SERGEF: variants seen among roughly 807,000 people sequenced by gnomAD.
SERGEF encodes secretion regulating guanine nucleotide exchange factor.
A neutral mutation model predicts 50.0 loss-of-function variants in SERGEF; 51 were observed. That is an observed-to-expected ratio of 1.02 (90% CI 0.81 to 1.29). SERGEF has a LOEUF of 1.29. Among genes scored for constraint, SERGEF ranks in the 50% most tolerant of loss-of-function variants. SERGEF has a pLI of 0.00. For missense variants in SERGEF, 521 were observed against 557.0 expected (o/e 0.94, Z 0.65); for synonymous variants, 205 against 212.4 (o/e 0.97, Z 0.30).
rs928659061 is a variant in SERGEF, at chr11:17,966,817, A to G, written c.845-7181T>C. On this transcript the variant is annotated intron_variant, in intron 8 of 10. Transcript: ENST00000265965. ...AAAAAGGGGAGAAAAAAGCCCGCAAAGAGAATGAACAAAAGTTGAAAGGTT... is the reference window on the plus strand; with the variant it reads ...AAAAAGGGGAGAAAAAAGCCCGCAAGGAGAATGAACAAAAGTTGAAAGGTT... Among the ~76,000 whole-genome samples the G allele has an allele frequency of 3.9e-5, 6 of 152,344 alleles. 1 individual carries two copies. The East Asian group carries it at 1.2e-3, about 29-fold the overall frequency.
At chr11:17,885,228 G>A (rs1851407172) in intron 9 of SERGEF, among the ~76,000 whole-genome samples, 1 of 152,132 alleles carries the variant, frequency 6.6e-6, no homozygotes, top group Non-Finnish European at 1.5e-5. Context: ...CTTATTTCCA[G>A]CTGCTATCAT....
intron 10 of SERGEF, chr11:17,856,434 G>A (rs948564070): frequency 2.6e-5 from 4 of 152,130 alleles, no homozygotes; most frequent in Non-Finnish European, 5.9e-5. Context: ...AAAGTGAAAT[G>A]GTCCCCTTCT....
At chr11:18,002,795 T>A (rs547914504) in intron 4 of SERGEF, among the ~76,000 whole-genome samples, 8 of 152,210 alleles carry the variant, frequency 5.3e-5, no homozygotes, top group Admixed American at 3.9e-4. Context: ...CTAAACATAG[T>A]ACCTACACAT....
At chr11:17,844,362 A>G (rs1850561457) in intron 10 of SERGEF, among the ~76,000 whole-genome samples, 1 of 152,228 alleles carries the variant, frequency 6.6e-6, no homozygotes, top group East Asian at 1.9e-4. Context: ...AGCTTGGAAA[A>G]TAACAAATCA....
intron 10 of SERGEF, among the ~76,000 whole-genome samples, chr11:17,829,104 C>G (rs890875723): frequency 6.6e-6 from 1 of 152,162 alleles, no homozygotes; most frequent in Non-Finnish European, 1.5e-5. Flanking sequence ...CACAAAGAAA[C>G]CTAGTAGGAC....
intron 10 of SERGEF, among the ~76,000 whole-genome samples, chr11:17,851,659 G>A (rs1017557060): frequency 1.3e-5 from 2 of 152,216 alleles, no homozygotes; most frequent in African/African-American, 4.8e-5. Flanking sequence ...AAATTTCTCC[G>A]AAGTTTTAAA....
chr11:17,981,835 C>G (rs1853501430), intron 8 of SERGEF, among the ~76,000 whole-genome samples: 1 of 152,110 alleles, frequency 6.6e-6, no homozygotes, highest in Non-Finnish European at 1.5e-5. Flanking sequence ...GGGCCTCACT[C>G]TGTCACCCAG....
At chr11:17,913,639 A>C (rs1483412462) in intron 9 of SERGEF, among the ~76,000 whole-genome samples, 1 of 152,174 alleles carries the variant, frequency 6.6e-6, no homozygotes, top group Non-Finnish European at 1.5e-5. Context: ...GCTTAGCTGC[A>C]CTATCTACTC....
intron 10 of SERGEF, among the ~76,000 whole-genome samples, chr11:17,801,072 G>A (rs1012684970): frequency 6.6e-6 from 1 of 151,984 alleles, no homozygotes; most frequent in Non-Finnish European, 1.5e-5. Flanking sequence ...GTGGGCGCCT[G>A]TAGTCCCAGC....
rs1188085439 is a variant in SERGEF at position 17,997,317 on chromosome 11, A to G, written c.509-1408T>C. Among the ~76,000 whole-genome samples, 3 of 152,362 alleles carry G rather than the reference A, an allele frequency of 2.0e-5. No individual in the cohort carries two copies. The East Asian group carries it at 5.8e-4, about 29-fold the overall frequency. On this transcript the variant is annotated intron_variant, in intron 5 of 10. Transcript: ENST00000265965. Reference sequence around the variant, plus strand: ...TGCTAACATTGCTAACCATCAGGGAAATGAAAACAGATATCACCTCATACA... The same window carrying G: ...TGCTAACATTGCTAACCATCAGGGAGATGAAAACAGATATCACCTCATACA...
At chr11:17,899,238 C>T (rs1329865556) in intron 9 of SERGEF, among the ~76,000 whole-genome samples, 1 of 152,144 alleles carries the variant, frequency 6.6e-6, no homozygotes, top group African/African-American at 2.4e-5. Context: ...ACTTTAAAAT[C>T]ACTGTATATT....
chr11:17,844,922 C>CAAA (rs150086214), intron 10 of SERGEF, among the ~76,000 whole-genome samples: 2 of 147,270 alleles, frequency 1.4e-5, no homozygotes, highest in African/African-American at 5.1e-5. Context: ...ACAAAACAAA[C>CAAA]AAACAAAAAA....
intron 9 of SERGEF, 150 bp downstream of exon 9, chr11:17,959,320 T>C: frequency 1.5e-6 from 1 of 664,858 alleles, no homozygotes; most frequent in East Asian, 2.8e-5. Flanking sequence ...TTTGACCACA[T>C]TAAAGCATGA....
At chr11:17,887,426 C>G (rs187356079) in intron 9 of SERGEF, among the ~76,000 whole-genome samples, 2 of 152,214 alleles carry the variant, frequency 1.3e-5, no homozygotes, top group Admixed American at 1.3e-4. Context: ...AAAATGGAAC[C>G]ATGTGAGTTG....
chr11:17,872,697 G>C (rs1851163532), intron 10 of SERGEF, among the ~76,000 whole-genome samples: 1 of 152,154 alleles, frequency 6.6e-6, no homozygotes, highest in Non-Finnish European at 1.5e-5. Context: ...ATTCACTATA[G>C]CGTTGCTTAT....
intron 9 of SERGEF, among the ~76,000 whole-genome samples, chr11:17,935,427 C>T (rs1852432327): frequency 6.6e-6 from 1 of 152,008 alleles, no homozygotes; most frequent in African/African-American, 2.4e-5. Flanking sequence ...TGTGATAGCA[C>T]CACTGTATTC....
At chr11:17,811,072 G>C (rs1289692371) in intron 10 of SERGEF, among the ~76,000 whole-genome samples, 1 of 152,186 alleles carries the variant, frequency 6.6e-6, no homozygotes, top group African/African-American at 2.4e-5. Context: ...GGTGGAAGCA[G>C]CTGAGAGAAG....
At chr11:17,994,133 G>A (rs1397675659) in intron 6 of SERGEF, among the ~76,000 whole-genome samples, 6 of 152,086 alleles carry the variant, frequency 3.9e-5, no homozygotes, top group African/African-American at 1.4e-4. Context: ...CATAATAACA[G>A]TATACTGTGC....
At chr11:17,880,335 G>C (rs191568022) in intron 9 of SERGEF, among the ~76,000 whole-genome samples, 51 of 152,240 alleles carry the variant, frequency 3.3e-4, no homozygotes, top group Middle Eastern at 3.4e-3. Context: ...TGGTTCTCTA[G>C]GTCTGTTACA....
Sources: allele counts gnomAD v4.1 joint callset (sites outside exome capture counted in the v4.1 genomes callset), GRCh38; gene constraint gnomAD v4.1.1; transcripts MANE v1.5; gene names NCBI Gene and HGNC (gene_info 2026-07-23, HGNC 2026-07-21).